Variants in GDNF observed in about 807,000 individuals in gnomAD.
GDNF encodes the protein glial cell line-derived neurotrophic factor.
In GDNF, 5 loss-of-function variants were observed where a neutral mutation model predicts 13.7. The ratio of observed to expected loss-of-function variants is 0.36; its 90% CI spans 0.19 to 0.77. The LOEUF is 0.77. Among genes scored for constraint, GDNF ranks in the 30% least tolerant of loss-of-function variants. The pLI is 0.51. For synonymous variants in GDNF, 122 were observed against 112.5 expected, an observed-to-expected ratio of 1.08 and a Z score of -0.53; for missense variants, 246 against 274.3, an observed-to-expected ratio of 0.90 and a Z score of 0.73.
intron 2 of GDNF, among the ~76,000 whole-genome samples, chr5:37,832,375 C>T (rs1226935432): frequency 6.6e-6 from 1 of 152,218 alleles, no homozygotes. Flanking sequence ...TCAAAGTCTG[C>T]ATACTGTCAT....
intron 1 of GDNF, chr5:37,835,038 C>G (rs1750654644): frequency 3.4e-6 from 2 of 587,526 alleles, no homozygotes; most frequent in African/African-American, 3.8e-5. Flanking sequence ...ACTCCTGGTT[C>G]AGGTTGCAGC....
At chr5:37,836,318 T>C (rs1750701702) in intron 1 of GDNF, among the ~76,000 whole-genome samples, 1 of 152,014 alleles carries the variant, frequency 6.6e-6, no homozygotes, top group Non-Finnish European at 1.5e-5. Flanking sequence ...CCAGTCCTCA[T>C]CTCTACCCGG....
Position 37,819,448 on chromosome 5 carries a change from T to C in GDNF, c.152-3313A>G, listed in dbSNP as rs542061321. Among the ~76,000 whole-genome samples, 532 of 149,206 alleles carry C rather than the reference T, an allele frequency of 3.6e-3. 6 individuals are homozygous for C. Among genetic ancestry groups the C allele is most frequent in the African/African-American group, 0.012 (496 of 40,680 alleles). Reference sequence around the variant, plus strand: ...GGCCCAGGGAAGTGCTCTTTTCTTTTTTTTTTTTTTTTTTTGTTTTTGAGA... The same window carrying C: ...GGCCCAGGGAAGTGCTCTTTTCTTTCTTTTTTTTTTTTTTTGTTTTTGAGA... On this transcript the variant is annotated intron_variant, in intron 2 of 2. Transcript: ENST00000326524.
chr5:37,835,556 C>A (rs1443443438), intron 1 of GDNF: 17 of 1,474,508 alleles, frequency 1.2e-5, no homozygotes, highest in Non-Finnish European at 1.6e-5. Flanking sequence ...CTCCTCCCAC[C>A]TCTTAAAGTT....
chr5:37,835,764 G>A, intron 1 of GDNF: 1 of 970,314 alleles, frequency 1.0e-6, no homozygotes, highest in Non-Finnish European at 1.6e-6. Flanking sequence ...CCTCCCAGAG[G>A]AGTCACTGGC....
chr5:37,836,931 G>A (rs1750727654), intron 1 of GDNF, among the ~76,000 whole-genome samples: 1 of 152,218 alleles, frequency 6.6e-6, no homozygotes, highest in African/African-American at 2.4e-5. Context: ...AAAACTCCCC[G>A]CGTCGCCAGA....
In GDNF at chr5:37,816,129, A is replaced by C; in HGVS notation, c.158T>G (p.Met53Arg). The C allele has an allele frequency of 4.3e-6, 7 of 1,613,810 alleles. No homozygotes were observed. Among genetic ancestry groups the C allele is most frequent in the Non-Finnish European group, 5.9e-6 (7 of 1,179,690 alleles). ...GAACTGATCAGGATAATCCTCTGGC[A>C]TATTTGCTGTTCAAAAAGAAAAGAG... Reference protein sequence around the residue: ...APFALSSDSNMPEDYPDQFDD... With the variant: ...APFALSSDSNRPEDYPDQFDD... The change falls in exon 3 of 3, where the codon ATG becomes AGG. Residue 53 changes from methionine (M) to arginine (R), a missense_variant. Physicochemically the swap from Met to Arg is moderately conservative, Grantham distance 91 (BLOSUM62 -1). Coordinates refer to ENST00000326524, the MANE Select transcript of GDNF (RefSeq NM_000514.4).
chr5:37,828,177 G>C (rs1750395325), intron 2 of GDNF, among the ~76,000 whole-genome samples: 1 of 152,136 alleles, frequency 6.6e-6, no homozygotes, highest in Non-Finnish European at 1.5e-5. Context: ...CCCCTCGCTG[G>C]GCAGAATGGG....
intron 2 of GDNF, among the ~76,000 whole-genome samples, chr5:37,834,069 C>A (rs1161909622): frequency 6.6e-6 from 1 of 152,180 alleles, no homozygotes; most frequent in Non-Finnish European, 1.5e-5. Flanking sequence ...TTTCTAGAAC[C>A]GGAACTTTTC....
At chr5:37,828,054 T>G (rs937159100) in intron 2 of GDNF, among the ~76,000 whole-genome samples, 8 of 152,240 alleles carry the variant, frequency 5.3e-5, no homozygotes, top group African/African-American at 1.4e-4. Context: ...TCTACTGAGC[T>G]AACCAGTTGT....
chr5:37,837,871 G>GCC lies in GDNF; in HGVS notation c.-27+1634_-27+1635dup, dbSNP rs1750762846. Among the ~76,000 whole-genome samples the GCC allele has an allele frequency of 2.0e-5, 3 of 152,162 alleles. No homozygotes were observed. The East Asian group carries it at 5.8e-4, about 30-fold the overall frequency. On this transcript the variant is annotated intron_variant, in intron 1 of 2. Transcript: ENST00000326524. This position sits in a 1 kb window ranked among gnomAD's most constrained non-coding sequence, Gnocchi z 6.5. ...AGGAGGCAGCGCTCCCGCCGTCAGT[G>GCC]CCCCCGCACCTTCTTGTGCCTGGCA...
intron 1 of GDNF, chr5:37,835,656 C>A: frequency 6.4e-7 from 1 of 1,550,424 alleles, no homozygotes; most frequent in Non-Finnish European, 8.7e-7. Flanking sequence ...GCAAAGACTG[C>A]ATTTGTCTTG....
At chr5:37,832,142 C>A (rs191802768) in intron 2 of GDNF, among the ~76,000 whole-genome samples, 1 of 152,174 alleles carries the variant, frequency 6.6e-6, no homozygotes, top group East Asian at 1.9e-4. Context: ...CTGTGAAAAG[C>A]GCAGAATGAC....
At chr5:37,819,322 T>C (rs1750038914) in intron 2 of GDNF, among the ~76,000 whole-genome samples, 1 of 152,022 alleles carries the variant, frequency 6.6e-6, no homozygotes, top group African/African-American at 2.4e-5. Flanking sequence ...CCACCTTTCC[T>C]CCTCAGCTTT....
chr5:37,834,763 C>A lies in GDNF; in HGVS notation c.34G>T (p.Val12Leu). The A allele has an allele frequency of 1.2e-6, 2 of 1,613,130 alleles. No individual in the cohort carries two copies. Among genetic ancestry groups the A allele is most frequent in the Non-Finnish European group, 1.7e-6 (2 of 1,179,678 alleles). Reference sequence around the variant, plus strand: ...AAGGCGGACGCGGTGTGGAGCAGCACCAGGCAGACAGCCACGACATCCCAT... The same window carrying A: ...AAGGCGGACGCGGTGTGGAGCAGCAACAGGCAGACAGCCACGACATCCCAT... ...KLWDVVAVCL[V>L]LLHTASAFPL... is the part of the protein sequence containing the mutation. The change falls in exon 2 of 3, where the codon GTG becomes TTG. Residue 12 changes from valine to leucine, a missense_variant. Val to Leu is a conservative substitution (Grantham distance 32, BLOSUM62 1). Transcript: ENST00000326524.
At chr5:37,832,104 T>C (rs1354539263) in intron 2 of GDNF, among the ~76,000 whole-genome samples, 1 of 152,232 alleles carries the variant, frequency 6.6e-6, no homozygotes, top group Non-Finnish European at 1.5e-5. Flanking sequence ...TAAAGGTGAG[T>C]GTGCAAACTG....
At chr5:37,824,660 G>T (rs1750244533) in intron 2 of GDNF, 1 of 152,224 alleles carries the variant, frequency 6.6e-6, no homozygotes. Context: ...AGTAAGCACT[G>T]AATGCTGATG....
At chr5:37,818,655 T>A (rs1035616857) in intron 2 of GDNF, among the ~76,000 whole-genome samples, 1 of 152,150 alleles carries the variant, frequency 6.6e-6, no homozygotes, top group East Asian at 1.9e-4. Flanking sequence ...GGCAACACCA[T>A]CCCTTGAGAA....
At position 37,815,722 on chromosome 5, in the gene GDNF, A is replaced by T; in HGVS notation, c.565T>A (p.Ser189Thr). The T allele has an allele frequency of 1.9e-6, 3 of 1,613,934 alleles. No homozygotes were observed. The highest frequency in any genetic ancestry group is 2.5e-6 in the Non-Finnish European group (3 of 1,179,780). Residue 189 changes from serine (S) to threonine (T), a missense_variant, in exon 3 of 3, where the codon TCG (serine) becomes ACG (threonine). Coordinates refer to ENST00000326524, the MANE Select transcript of GDNF (RefSeq NM_000514.4). This position sits in a 1 kb window ranked among gnomAD's most constrained non-coding sequence, Gnocchi z 5.0. ...TAAACCAGGTTATCATCTAAAAACGACAGGTCATCATCAAAGGCGATGGGT... is the reference window on the plus strand; with the variant it reads ...TAAACCAGGTTATCATCTAAAAACGTCAGGTCATCATCAAAGGCGATGGGT... ...CRPIAFDDDL[S>T]FLDDNLVYHI...
Sources: gnomAD v4.1 joint callset for allele counts (sites outside exome capture counted in the v4.1 genomes callset) on GRCh38, gnomAD v4.1.1 for gene constraint, Gnocchi (gnomAD v3.1) non-coding constraint, MANE v1.5 for transcripts, NCBI Gene and HGNC (gene_info 2026-07-23, HGNC 2026-07-21) for gene names.